The following LGSN variants were observed in gnomAD, a reference collection of about 807,000 sequenced individuals.
The protein encoded by LGSN is lengsin, lens protein with glutamine synthetase domain.
In LGSN, 21 loss-of-function variants were observed where a neutral mutation model predicts 19.5. The ratio of observed to expected loss-of-function variants is 1.07; its 90% CI spans 0.76 to 1.55. The LOEUF is 1.55. LGSN is among the 40% of genes most tolerant of loss of function. The probability of loss-of-function intolerance (pLI) is 0.00; values close to 1 mark genes in which losing one functional copy is unlikely to be tolerated. For missense variants in LGSN, 673 were observed against 608.5 expected (o/e 1.11, Z -1.12); for synonymous variants, 257 against 215.6 (o/e 1.19, Z -1.68).
the LGSN span, among the ~76,000 whole-genome samples, chr6:63,486,011 T>C: frequency 6.6e-6 from 1 of 152,118 alleles, no homozygotes; most frequent in Non-Finnish European, 1.5e-5. Flanking sequence ...ATTACAGGTG[T>C]GAGCCACCAC....
the LGSN span, among the ~76,000 whole-genome samples, chr6:63,420,882 A>T: frequency 1.4e-4 from 22 of 152,192 alleles, no homozygotes; most frequent in African/African-American, 4.6e-4. Context: ...CTTGAAAAAA[A>T]TTTTTTTAAT....
At chr6:63,433,930 G>C in the LGSN span, among the ~76,000 whole-genome samples, 2 of 152,120 alleles carry the variant, frequency 1.3e-5, no homozygotes, top group African/African-American at 4.8e-5. Flanking sequence ...TCCAGTCATG[G>C]GACTAGCAGG....
upstream of LGSN, among the ~76,000 whole-genome samples, chr6:63,323,232 G>A (rs1263756339): frequency 6.6e-6 from 1 of 151,738 alleles, no homozygotes; most frequent in Non-Finnish European, 1.5e-5. Context: ...GAAGGAGAGT[G>A]CCACAGAATA....
chr6:63,515,086 T>C, the LGSN span, among the ~76,000 whole-genome samples: 21 of 152,170 alleles, frequency 1.4e-4, no homozygotes, highest in Non-Finnish European at 2.9e-4. Flanking sequence ...TACTGCAACC[T>C]TGAACTCCTG....
chr6:63,338,219 A>C, the LGSN span, among the ~76,000 whole-genome samples: 3 of 152,130 alleles, frequency 2.0e-5, no homozygotes, highest in Non-Finnish European at 4.4e-5. Context: ...CTCTTCTTTA[A>C]GTTCAAAATT....
chr6:63,535,952 T>C, the LGSN span, among the ~76,000 whole-genome samples: 2 of 152,188 alleles, frequency 1.3e-5, no homozygotes, highest in African/African-American at 4.8e-5. Flanking sequence ...TCTGTATTTT[T>C]TGTAGAGACA....
intron 1 of LGSN, among the ~76,000 whole-genome samples, chr6:63,308,005 T>G (rs540190983): frequency 2.0e-4 from 30 of 152,332 alleles, no homozygotes; most frequent in African/African-American, 7.0e-4. Context: ...AGTCTTCAGA[T>G]AGGCTAACCT....
chr6:63,414,742 C>T, the LGSN span, among the ~76,000 whole-genome samples: 2 of 152,174 alleles, frequency 1.3e-5, no homozygotes. Flanking sequence ...TGGCCAAATC[C>T]CATTTCTACA....
the LGSN span, among the ~76,000 whole-genome samples, chr6:63,414,030 C>T: frequency 6.6e-5 from 10 of 152,114 alleles, no homozygotes; most frequent in Admixed American, 6.6e-4. Flanking sequence ...GGGGGCCAGT[C>T]GAGAAGAGTG....
At chr6:63,528,540 C>G in the LGSN span, among the ~76,000 whole-genome samples, 1 of 152,046 alleles carries the variant, frequency 6.6e-6, no homozygotes, top group East Asian at 1.9e-4. Flanking sequence ...GCCTGGGCAA[C>G]ATGGTGAAAC....
chr6:63,429,069 C>T, the LGSN span, among the ~76,000 whole-genome samples: 2 of 152,104 alleles, frequency 1.3e-5, no homozygotes, highest in East Asian at 3.8e-4. Flanking sequence ...CTTTGCTAGA[C>T]ATTACATGAG....
chr6:63,502,937 A>G, the LGSN span, among the ~76,000 whole-genome samples: 4 of 152,368 alleles, frequency 2.6e-5, no homozygotes, highest in East Asian at 1.9e-4. Context: ...GCTCATCAGT[A>G]AGAATCTATG....
the LGSN span, among the ~76,000 whole-genome samples, chr6:63,532,705 A>G: frequency 6.6e-6 from 1 of 152,202 alleles, no homozygotes; most frequent in Non-Finnish European, 1.5e-5. Context: ...CAATCATATT[A>G]TAACTATGAG....
chr6:63,308,349 T>C (rs1009901773), intron 1 of LGSN, among the ~76,000 whole-genome samples: 1 of 152,148 alleles, frequency 6.6e-6, no homozygotes, highest in Non-Finnish European at 1.5e-5. Flanking sequence ...ATAATTCATG[T>C]TTTTCTCACC....
the LGSN span, among the ~76,000 whole-genome samples, chr6:63,444,607 TAGA>T: frequency 6.6e-6 from 1 of 152,190 alleles, no homozygotes. Flanking sequence ...AGCCAGAAAC[TAGA>T]AGGCCATTCA....
chr6:63,543,555 A>G, the LGSN span, among the ~76,000 whole-genome samples: 1 of 152,246 alleles, frequency 6.6e-6, no homozygotes, highest in Admixed American at 6.5e-5. Flanking sequence ...AAATGCATCT[A>G]TGTATTCATA....
chr6:63,412,483 G>GAAGAAAGAAAGAAAGAAAGAAAGAAACA, the LGSN span, among the ~76,000 whole-genome samples: 53 of 52,866 alleles, frequency 1.0e-3, 1 homozygote, highest in African/African-American at 4.8e-3. Flanking sequence ...AGAAGAAAGA[G>GAAGAAAGAAAGAAAGAAAGAAAGAAACA]AAGAAAGAAA....
chr6:63,493,180 G>C, the LGSN span, among the ~76,000 whole-genome samples: 1 of 152,118 alleles, frequency 6.6e-6, no homozygotes, highest in Admixed American at 6.6e-5. Flanking sequence ...CAACATGAAG[G>C]ACTCTATCTG....
At chr6:63,540,583 TCA>T in the LGSN span, among the ~76,000 whole-genome samples, 1 of 151,340 alleles carries the variant, frequency 6.6e-6, no homozygotes, top group South Asian at 2.1e-4. Flanking sequence ...ATTGCTCCAC[TCA>T]CTGCACTCCA....
Sources: gnomAD v4.1 joint callset for allele counts (sites outside exome capture counted in the v4.1 genomes callset) on GRCh38, gnomAD v4.1.1 for gene constraint, MANE v1.5 for transcripts, NCBI Gene and HGNC (gene_info 2026-07-23, HGNC 2026-07-21) for gene names.